CHM: variants seen among roughly 807,000 people sequenced by gnomAD.
The protein encoded by CHM is CHM Rab escort protein.
A neutral mutation model predicts 49.0 loss-of-function variants in CHM; 10 were observed. The observed-to-expected ratio is 0.20, with a 90% CI of 0.13 to 0.35. The LOEUF (loss-of-function observed/expected upper bound fraction) is 0.35, where lower values mean the gene tolerates loss of function less well. CHM is among the 10% of genes least tolerant of loss of function. The pLI, the probability that CHM is intolerant of heterozygous loss-of-function variation, is 1.00. For missense variants in CHM, 455 were observed against 478.4 expected (o/e 0.95, Z 0.46); for synonymous variants, 184 against 167.5 (o/e 1.10, Z -0.76).
intron 4 of CHM, 62 bp downstream of exon 4, chrX:85,978,702 GCTT>G: frequency 6.5e-6 from 7 of 1,071,780 alleles, no homozygotes; most frequent in Non-Finnish European, 9.0e-6. Flanking sequence ...TTTATTGTTG[GCTT>G]CTTCTAAAGA....
chrX:85,925,791 T>C (rs1436025954), intron 8 of CHM, among the ~76,000 whole-genome samples: 1 of 111,925 alleles, frequency 8.9e-6, no homozygotes, highest in Non-Finnish European at 1.9e-5. Flanking sequence ...TTACTTCTAA[T>C]GCTCTTCATG....
At chrX:85,911,147 A>ATATATATATATATG (rs1569409872) in intron 9 of CHM, 114 bp downstream of exon 9, 1 of 17,141 alleles carries the variant, frequency 5.8e-5, no homozygotes, top group African/African-American at 3.7e-4. Flanking sequence ...ATATATATAT[A>ATATATATATATATG]TATATATATA....
rs1932854113 is a variant in CHM at position 86,006,337 on chromosome X, CT to C, written c.116+21153del. On this transcript the variant is annotated intron_variant, in intron 2 of 14. Transcript: ENST00000357749. ...AACGGGCACAAACTGGAAGCATTCC[CT>C]TTGAAAACAGGCACAAGACAAAGAT... 2.7e-5 allele frequency among the ~76,000 whole-genome samples: 3 copies of C among 111,883 alleles called. 1 individual carries two copies. The South Asian group carries it at 1.1e-3, about 42-fold the overall frequency.
chrX:86,025,170 C>A (rs1206698586), intron 2 of CHM, among the ~76,000 whole-genome samples: 1 of 111,530 alleles, frequency 9.0e-6, no homozygotes, highest in Non-Finnish European at 1.9e-5. Flanking sequence ...TGAGGATGTA[C>A]AAGAGAAGAA....
chrX:85,894,311 C>A, intron 11 of CHM, 27 bp from the exon 12 acceptor site: 1 of 1,051,878 alleles, frequency 9.5e-7, no homozygotes, highest in Non-Finnish European at 1.3e-6. Context: ...AAGTATCAGA[C>A]ACAGCTGTTA....
chrX:85,906,860 G>A (rs62608230), intron 9 of CHM, among the ~76,000 whole-genome samples: 19,056 of 111,746 alleles, frequency 0.17, 1,533 homozygotes, highest in Non-Finnish European at 0.25. Flanking sequence ...ACAGCCGGAC[G>A]TGGTGGCTCA....
chrX:85,889,538 A>G (rs1370425963), intron 12 of CHM, among the ~76,000 whole-genome samples: 1 of 112,048 alleles, frequency 8.9e-6, no homozygotes, highest in Non-Finnish European at 1.9e-5. Context: ...CTATTATTAA[A>G]AATGCAAAAA....
intron 4 of CHM, chrX:85,971,531 GAGTGA>G: frequency 4.6e-6 from 1 of 216,884 alleles, no homozygotes; most frequent in Non-Finnish European, 8.9e-6. Flanking sequence ...GTGGGCGCAG[GAGTGA>G]AGCTGCAGAT....
At chrX:86,004,532 C>T (rs191103844) in intron 2 of CHM, among the ~76,000 whole-genome samples, 10 of 111,282 alleles carry the variant, frequency 9.0e-5, no homozygotes, top group African/African-American at 2.0e-4. Context: ...CAGGCAAAGA[C>T]GCACATAGAC....
At position 85,974,552 on chromosome X, in the gene CHM, C is replaced by T. The variant is rs757521532; in HGVS notation, c.314+4215G>A. Reference sequence around the variant, plus strand: ...TTGGTGGAGGAAAAAACATATAGATCGAACAGAATAAAGAACCTCAAAATA... The same window carrying T: ...TTGGTGGAGGAAAAAACATATAGATTGAACAGAATAAAGAACCTCAAAATA... On this transcript the variant is annotated intron_variant, in intron 4 of 14. Coordinates refer to ENST00000357749, the MANE Select transcript of CHM (RefSeq NM_000390.4). 4.5e-5 allele frequency among the ~76,000 whole-genome samples: 5 copies of T among 110,739 alleles called. No homozygotes were observed. The East Asian group carries it at 1.4e-3, about 31-fold the overall frequency.
chrX:86,015,453 T>C (rs752895979), intron 2 of CHM, among the ~76,000 whole-genome samples: 1 of 111,527 alleles, frequency 9.0e-6, no homozygotes, highest in South Asian at 3.8e-4. Context: ...TACAGTAAAT[T>C]GGTACCAGTA....
rs1555958595 is a variant in CHM, at chrX:85,981,206, C to CTATTTCTATATATATATATATA, written c.189+530_189+531insTATATATATATATATAGAAATA. Among the ~76,000 whole-genome samples the CTATTTCTATATATATATATATA allele has an allele frequency of 2.3e-3, 126 of 54,342 alleles. 2 individuals carry two copies. The highest frequency in any genetic ancestry group is 6.9e-3 in the African/African-American group (114 of 16,586). 47.2% of individuals were successfully genotyped at this position (54,342 alleles called of 115,157 possible). A position where few individuals can be genotyped will look rare whatever the true frequency, so the allele number is the denominator to read the frequency against. On this transcript the variant is annotated intron_variant, in intron 3 of 14. Coordinates refer to ENST00000357749, the MANE Select transcript of CHM (RefSeq NM_000390.4). Reference sequence around the variant, plus strand: ...TACTCTTCAACCAACATTTCTATTTCTATATATATATATAGACACACATAT... The same window carrying CTATTTCTATATATATATATATA: ...TACTCTTCAACCAACATTTCTATTTCTATTTCTATATATATATATATATATATATATATATAGACACACATAT...
At chrX:85,937,792 C>G (rs1394659311) in intron 8 of CHM, among the ~76,000 whole-genome samples, 1 of 104,097 alleles carries the variant, frequency 9.6e-6, no homozygotes, top group African/African-American at 3.6e-5. Flanking sequence ...TGCAGTGAGT[C>G]GAGATCCTGC....
intron 1 of CHM, among the ~76,000 whole-genome samples, chrX:86,036,045 G>A (rs917302321): frequency 1.1e-4 from 12 of 110,063 alleles, no homozygotes; most frequent in African/African-American, 3.3e-4. Context: ...CGCCCGCCTC[G>A]GCCTCCCAAA....
chrX:86,007,181 T>C (rs1932878012), intron 2 of CHM, among the ~76,000 whole-genome samples: 2 of 112,132 alleles, frequency 1.8e-5, no homozygotes, highest in Admixed American at 9.4e-5. Context: ...ATTTAATAAA[T>C]GGTGCTGGGA....
chrX:85,976,802 T>C (rs1931289097), intron 4 of CHM, among the ~76,000 whole-genome samples: 1 of 108,848 alleles, frequency 9.2e-6, no homozygotes, highest in African/African-American at 3.3e-5. Context: ...GGTTCTCAGT[T>C]TGCTTGCCTC....
At chrX:85,882,144 A>T (rs1035404456) in intron 12 of CHM, among the ~76,000 whole-genome samples, 3 of 111,880 alleles carry the variant, frequency 2.7e-5, no homozygotes, top group African/African-American at 9.7e-5. Context: ...GTCAACTTGT[A>T]AAGGGTTCAA....
At chrX:85,917,664 G>A (rs1455881220) in intron 8 of CHM, among the ~76,000 whole-genome samples, 1 of 110,234 alleles carries the variant, frequency 9.1e-6, no homozygotes, top group Non-Finnish European at 1.9e-5. Flanking sequence ...AAGTAAAGCA[G>A]TAAAATGATC....
intron 4 of CHM, chrX:85,969,676 A>G (rs938788155): frequency 8.9e-6 from 1 of 112,831 alleles, no homozygotes; most frequent in Non-Finnish European, 1.9e-5. Context: ...TTATTGGAGC[A>G]CTATTCACAA....
Sources: gnomAD v4.1 joint callset for allele counts (sites outside exome capture counted in the v4.1 genomes callset) on GRCh38, gnomAD v4.1.1 for gene constraint, MANE v1.5 for transcripts, NCBI Gene and HGNC (gene_info 2026-07-23, HGNC 2026-07-21) for gene names.